The following PLAC1 variants were observed in gnomAD, a reference collection of about 807,000 sequenced individuals.
PLAC1 encodes the protein placenta associated 1.
For missense variants in PLAC1, 136 were observed against 163.2 expected (o/e 0.83, Z 0.91); for synonymous variants, 68 against 62.1 (o/e 1.09, Z -0.44).
chrX:134,710,724 G>A (rs1331511879), intron 2 of PLAC1, among the ~76,000 whole-genome samples: 1 of 111,483 alleles, frequency 9.0e-6, no homozygotes, highest in Non-Finnish European at 1.9e-5. Context: ...GTATATCATA[G>A]TTTGGAAGAA....
intron 2 of PLAC1, among the ~76,000 whole-genome samples, chrX:134,722,230 G>A (rs1569411088): frequency 8.9e-6 from 1 of 111,986 alleles, no homozygotes; most frequent in Non-Finnish European, 1.9e-5. Flanking sequence ...ATAAATGAAT[G>A]TCTATAGCAT....
Position 134,756,806 on chromosome X carries a change from G to A in PLAC1, n.89+7428C>T, listed in dbSNP as rs895264866. 2.8e-5 allele frequency among the ~76,000 whole-genome samples: 3 copies of A among 107,514 alleles called. No homozygotes were observed. In the East Asian group the frequency reaches 8.7e-4, roughly 31 times the overall value. 93.4% of individuals were successfully genotyped at this position (107,514 alleles called of 115,157 possible). A position where few individuals can be genotyped will look rare whatever the true frequency, so the allele number is the denominator to read the frequency against. On this transcript the variant is annotated intron_variant and non_coding_transcript_variant, in intron 1 of 2. Transcript: ENST00000466797. ...GGAGGTTGCATTGAGCCGAGATTAC[G>A]CCACTGCACTCCAGCCTGGGGGAAA...
chrX:134,637,432 C>T (rs912675738), intron 1 of PLAC1, among the ~76,000 whole-genome samples: 47 of 112,014 alleles, frequency 4.2e-4, no homozygotes, highest in African/African-American at 1.4e-3. Flanking sequence ...TATTGGATCA[C>T]ATATTCCAGT....
chrX:134,622,961 C>A (rs1376844931), intron 1 of PLAC1, among the ~76,000 whole-genome samples: 1 of 111,681 alleles, frequency 9.0e-6, no homozygotes, highest in African/African-American at 3.3e-5. Context: ...AATGTCTTCC[C>A]TGGGTCTAAC....
At chrX:134,748,806 C>T (rs1201125301) in intron 1 of PLAC1, among the ~76,000 whole-genome samples, 1 of 111,858 alleles carries the variant, frequency 8.9e-6, no homozygotes, top group Non-Finnish European at 1.9e-5. Context: ...CAGGTTGAGG[C>T]TCTAACATCT....
chrX:134,737,687 A>G (rs1276273691), intron 1 of PLAC1, among the ~76,000 whole-genome samples: 2 of 112,091 alleles, frequency 1.8e-5, no homozygotes, highest in Non-Finnish European at 3.8e-5. Flanking sequence ...CTTCCTTCTG[A>G]CATTGCATGG....
At chrX:134,693,628 C>T (rs113885429) in intron 2 of PLAC1, among the ~76,000 whole-genome samples, 2 of 111,473 alleles carry the variant, frequency 1.8e-5, no homozygotes, top group African/African-American at 6.5e-5. Flanking sequence ...TGGAGAGGCA[C>T]ATCACAAGTA....
At chrX:134,729,522 C>G (rs1012814088) in intron 2 of PLAC1, among the ~76,000 whole-genome samples, 2 of 111,699 alleles carry the variant, frequency 1.8e-5, no homozygotes, top group African/African-American at 6.5e-5. Context: ...TCCATTTGAC[C>G]GTGTCAGGGG....
chrX:134,698,399 G>A (rs2078571810), intron 2 of PLAC1, among the ~76,000 whole-genome samples: 1 of 111,867 alleles, frequency 8.9e-6, no homozygotes, highest in African/African-American at 3.3e-5. Flanking sequence ...GTTGCAGTGA[G>A]CCGAGATAGT....
At chrX:134,722,940 G>GT (rs1371741155) in intron 2 of PLAC1, among the ~76,000 whole-genome samples, 30 of 107,588 alleles carry the variant, frequency 2.8e-4, no homozygotes, top group Non-Finnish European at 1.3e-4. Flanking sequence ...GAGTCCAGGA[G>GT]TTTGAGTCCA....
upstream of PLAC1, among the ~76,000 whole-genome samples, chrX:134,662,109 G>A (rs988174400): frequency 2.7e-5 from 3 of 110,422 alleles, no homozygotes; most frequent in Admixed American, 2.9e-4. Flanking sequence ...GCTGGGTGTG[G>A]TGCCACACAC....
At chrX:134,652,898 A>AT (rs1813835505) in intron 1 of PLAC1, among the ~76,000 whole-genome samples, 1 of 111,793 alleles carries the variant, frequency 8.9e-6, no homozygotes, top group Non-Finnish European at 1.9e-5. Flanking sequence ...TTGAGGCCTG[A>AT]TCCCCCAGAT....
intron 2 of PLAC1, among the ~76,000 whole-genome samples, chrX:134,589,943 C>G (rs1284409006): frequency 1.8e-5 from 2 of 111,025 alleles, no homozygotes; most frequent in Non-Finnish European, 3.8e-5. Flanking sequence ...CGCCTGTAAT[C>G]CCAGCACTTT....
At chrX:134,640,080 G>C (rs1447365240) in intron 1 of PLAC1, among the ~76,000 whole-genome samples, 1 of 111,670 alleles carries the variant, frequency 9.0e-6, no homozygotes. Flanking sequence ...TCGATTTTTG[G>C]GGAGTATATA....
In PLAC1 at chrX:134,589,602, C is replaced by G. The variant is rs752050840; in HGVS notation, c.-59+12449G>C. On this transcript the variant is annotated intron_variant, in intron 2 of 2. Coordinates refer to ENST00000359237, the MANE Select transcript of PLAC1 (RefSeq NM_021796.4). The stretch of plus-strand genomic sequence containing the variant: ...ATTAGCCGGGCGTGGTGGGGCATGC[C>G]TCTACTCCCAGATACTTGGGAGGCT... Among the ~76,000 whole-genome samples, 10 of 108,490 alleles carry G rather than the reference C, an allele frequency of 9.2e-5. No individual in the cohort carries two copies. The East Asian group carries it at 2.6e-3, about 29-fold the overall frequency. 94.2% of individuals were successfully genotyped at this position (108,490 alleles called of 115,157 possible).
chrX:134,638,062 C>T (rs1273432741), intron 1 of PLAC1, among the ~76,000 whole-genome samples: 1 of 111,843 alleles, frequency 8.9e-6, no homozygotes, highest in African/African-American at 3.3e-5. Context: ...GTTTAAATGT[C>T]CTTTTTTGGT....
chrX:134,735,974 AAAG>A lies in PLAC1; in HGVS notation n.90-2458_90-2456del, dbSNP rs1469320569. Among the ~76,000 whole-genome samples, 237 of 109,252 alleles carry A rather than the reference AAAG, an allele frequency of 2.2e-3. 1 individual carries two copies. Among genetic ancestry groups the A allele is most frequent in the Admixed American group, 6.7e-3 (68 of 10,191 alleles). The allele number at this position is 109,252 out of a possible 115,157, so 94.9% of individuals were successfully genotyped here. A position where few individuals can be genotyped will look rare whatever the true frequency, so the allele number is the denominator to read the frequency against. On this transcript the variant is annotated intron_variant and non_coding_transcript_variant, in intron 1 of 2. Coordinates refer to the PLAC1 transcript ENST00000466797. ...GTCTACCTTAAAAAAAAAAAAAAAAAAAGAAGAAGAAGAAGTAAAGGGGCTGGG... is the reference window on the plus strand; with the variant it reads ...GTCTACCTTAAAAAAAAAAAAAAAAAAAGAAGAAGAAGTAAAGGGGCTGGG...
chrX:134,681,212 G>A (rs1219871176), intron 2 of PLAC1, among the ~76,000 whole-genome samples: 1 of 111,635 alleles, frequency 9.0e-6, no homozygotes, highest in African/African-American at 3.3e-5. Flanking sequence ...CCTTAACAGA[G>A]TTAAATGAAT....
chrX:134,648,984 G>T (rs1177360795), intron 1 of PLAC1, among the ~76,000 whole-genome samples: 1 of 111,749 alleles, frequency 8.9e-6, no homozygotes, highest in Admixed American at 9.4e-5. Flanking sequence ...TAAAGACAAA[G>T]CAGGCCGGGC....
Sources: allele counts gnomAD v4.1 joint callset (sites outside exome capture counted in the v4.1 genomes callset), GRCh38; gene constraint gnomAD v4.1.1; transcripts MANE v1.5; gene names NCBI Gene and HGNC (gene_info 2026-07-23, HGNC 2026-07-21).